The following TP73 variants were observed in gnomAD, a reference collection of about 807,000 sequenced individuals.
TP73 encodes tumor protein p73.
In TP73, 25 loss-of-function variants were observed where a neutral mutation model predicts 62.5. The observed-to-expected ratio is 0.40, with a 90% CI of 0.29 to 0.56. The LOEUF (loss-of-function observed/expected upper bound fraction) is 0.56. Among genes scored for constraint, TP73 ranks in the 20% least tolerant of loss-of-function variants. The pLI is 0.46. For missense variants in TP73, 754 were observed against 913.3 expected, an observed-to-expected ratio of 0.83 and a Z score of 2.25; for synonymous variants, 423 against 377.5, an observed-to-expected ratio of 1.12 and a Z score of -1.40.
At chr1:3,671,818 G>C (rs762757527) in intron 1 of TP73, among the ~76,000 whole-genome samples, 2 of 152,222 alleles carry the variant, frequency 1.3e-5, no homozygotes, top group Non-Finnish European at 2.9e-5. Context: ...AGGAACAGCA[G>C]TGGCTGCCTC....
intron 3 of TP73, among the ~76,000 whole-genome samples, chr1:3,697,143 C>G (rs1332629016): frequency 1.3e-5 from 2 of 150,508 alleles, no homozygotes; most frequent in Admixed American, 6.6e-5. Flanking sequence ...GCCTGGGGCC[C>G]CTGCGGGGCC....
chr1:3,733,132 C>G lies in TP73; in HGVS notation c.*53C>G. On this transcript the variant is annotated 3_prime_UTR_variant, in exon 14 of 14. Transcript: ENST00000378295. ...ACCGCCCAGAGACCCAAGCTGCCTC[C>G]CCTCTCCTTCCTGTGTGTCCAAAAC... 1 of 1,473,730 alleles carries G rather than the reference C, an allele frequency of 6.8e-7. No individual in the cohort carries two copies. The highest frequency in any genetic ancestry group is 1.3e-5 in the South Asian group (1 of 75,330). 91.3% of individuals were successfully genotyped at this position (1,473,730 alleles called of 1,614,324 possible). A position where few individuals can be genotyped will look rare whatever the true frequency, so the allele number is the denominator to read the frequency against.
At chr1:3,657,893 G>A (rs1644899838) in intron 1 of TP73, among the ~76,000 whole-genome samples, 1 of 138,078 alleles carries the variant, frequency 7.2e-6, no homozygotes, top group African/African-American at 2.9e-5. Flanking sequence ...ATAGCCCCCA[G>A]TTAGGGACAG....
At chr1:3,719,905 T>TGTGTGTGTGTGTGTTC (rs1640926432) in intron 4 of TP73, among the ~76,000 whole-genome samples, 2 of 149,524 alleles carry the variant, frequency 1.3e-5, no homozygotes, top group African/African-American at 5.0e-5. Flanking sequence ...TGTGTGTGTG[T>TGTGTGTGTGTGTGTTC]GTGTGTGTGT....
At position 3,666,397 on chromosome 1, in the gene TP73, G is replaced by A. The variant is rs1197511672; in HGVS notation, c.-34+13756G>A. On this transcript the variant is annotated intron_variant, in intron 1 of 13. Transcript: ENST00000378295. This position sits in a 1 kb window ranked among gnomAD's most constrained non-coding sequence, Gnocchi z 6.4. ...GTAAAATCTTAAAATGGTGCCTGGT[G>A]CAGAGTAAGCTGTGTGTTGGTGGGG... Among the ~76,000 whole-genome samples the A allele has an allele frequency of 6.6e-6, 1 of 152,220 alleles. No individual in the cohort carries two copies. The highest frequency in any genetic ancestry group is 2.4e-5 in the African/African-American group (1 of 41,446).
chr1:3,722,874 A>C (rs1570607103), intron 5 of TP73, among the ~76,000 whole-genome samples: 1 of 132,694 alleles, frequency 7.5e-6, no homozygotes, highest in Non-Finnish European at 1.6e-5. Context: ...ACCTCTTTGC[A>C]CCTGGCACAG....
At chr1:3,668,280 G>A (rs1645165005) in intron 1 of TP73, among the ~76,000 whole-genome samples, 1 of 152,128 alleles carries the variant, frequency 6.6e-6, no homozygotes, top group Non-Finnish European at 1.5e-5. Context: ...TCCCCTCCTG[G>A]AGCCAACAGC....
chr1:3,706,576 A>G (rs116578530), intron 3 of TP73, among the ~76,000 whole-genome samples: 2,925 of 151,720 alleles, frequency 0.019, 104 homozygotes, highest in African/African-American at 0.067. Context: ...CGCTGTTTAT[A>G]CATGTGCAGT....
At chr1:3,705,351 G>C (rs531182102) in intron 3 of TP73, among the ~76,000 whole-genome samples, 1 of 152,274 alleles carries the variant, frequency 6.6e-6, no homozygotes, top group South Asian at 2.1e-4. Flanking sequence ...TGTGGTGCAG[G>C]AAGTTAGGGA....
intron 3 of TP73, among the ~76,000 whole-genome samples, chr1:3,685,375 A>G (rs2102104320): frequency 6.6e-6 from 1 of 152,292 alleles, no homozygotes; most frequent in East Asian, 1.9e-4. Context: ...CTCCGCAAAC[A>G]GCAAGGTGGC....
In TP73 at chr1:3,686,934, G is replaced by A. The variant is rs538393699; in HGVS notation, c.186+3754G>A. On this transcript the variant is annotated intron_variant, in intron 3 of 13. Coordinates refer to ENST00000378295, the MANE Select transcript of TP73 (RefSeq NM_005427.4). ...GATGTCCAGTGGTGCCGGGCCCATC[G>A]GGAGTATGTGACAAACGCTAGGTGT... 5.9e-5 allele frequency among the ~76,000 whole-genome samples: 9 copies of A among 152,274 alleles called. No homozygotes were observed. In the East Asian group the frequency reaches 1.5e-3, roughly 26 times the overall value.
intron 1 of TP73, among the ~76,000 whole-genome samples, chr1:3,667,480 G>T (rs1027134258): frequency 6.6e-6 from 1 of 152,244 alleles, no homozygotes; most frequent in Non-Finnish European, 1.5e-5. Flanking sequence ...GCTGGGCGCG[G>T]TGGCTCACGC....
chr1:3,655,461 T>C (rs1644846441), intron 1 of TP73, among the ~76,000 whole-genome samples: 2 of 152,238 alleles, frequency 1.3e-5, no homozygotes. Context: ...GCCTTTGTTT[T>C]CCAGTGTGGG....
At chr1:3,708,615 C>T (rs964206767) in intron 4 of TP73, 11 of 152,342 alleles carry the variant, frequency 7.2e-5, no homozygotes, top group African/African-American at 2.7e-4. Context: ...TATTCCTAAC[C>T]ACTGAGCTGC....
intron 1 of TP73, among the ~76,000 whole-genome samples, chr1:3,661,615 A>G (rs1341602829): frequency 6.6e-6 from 1 of 151,610 alleles, no homozygotes; most frequent in African/African-American, 2.4e-5. Flanking sequence ...AAGCTGAGAT[A>G]GGAGGATCCC....
intron 10 of TP73, 87 bp from the exon 11 acceptor site, chr1:3,729,913 G>A (rs867988114): frequency 3.1e-5 from 46 of 1,460,582 alleles, no homozygotes; most frequent in Middle Eastern, 4.1e-4. Context: ...CCACCCATTC[G>A]CAGCATGGGG....
chr1:3,667,336 T>TCC (rs1645141540), intron 1 of TP73, among the ~76,000 whole-genome samples: 1 of 152,198 alleles, frequency 6.6e-6, no homozygotes, highest in Non-Finnish European at 1.5e-5. Context: ...TACAGAACTG[T>TCC]AAGAGAGTAA....
chr1:3,733,357 G>A lies in TP73; in HGVS notation c.*278G>A, dbSNP rs952534686. ...CTGGCCCACTCTCAGCCCTGCCACT[G>A]CCCCGGCGTGCTCCATGGCAGGCGT... On this transcript the variant is annotated 3_prime_UTR_variant, in exon 14 of 14. Coordinates refer to ENST00000378295, the MANE Select transcript of TP73 (RefSeq NM_005427.4). 11 of 514,420 alleles carry A rather than the reference G, an allele frequency of 2.1e-5. No homozygotes were observed. Among genetic ancestry groups the A allele is most frequent in the African/African-American group, 1.9e-4 (10 of 52,348 alleles). 31.9% of individuals were successfully genotyped at this position (514,420 alleles called of 1,614,324 possible).
At chr1:3,731,676 G>T in intron 13 of TP73, 120 bp downstream of exon 13, 1 of 902,402 alleles carries the variant, frequency 1.1e-6, no homozygotes, top group Admixed American at 2.3e-5. Context: ...CCTTTCCCAC[G>T]GGCAAGCAGA....
Sources: gnomAD v4.1 joint callset for allele counts (sites outside exome capture counted in the v4.1 genomes callset) on GRCh38, gnomAD v4.1.1 for gene constraint, Gnocchi (gnomAD v3.1) non-coding constraint, MANE v1.5 for transcripts, NCBI Gene and HGNC (gene_info 2026-07-23, HGNC 2026-07-21) for gene names.